PDE3B: variants seen among roughly 807,000 people sequenced by gnomAD.
PDE3B encodes the protein phosphodiesterase 3B.
Under a neutral mutation model 116.8 loss-of-function variants are expected in PDE3B, and 66 were observed. That is an observed-to-expected ratio of 0.56 (90% CI 0.46 to 0.69). The LOEUF (loss-of-function observed/expected upper bound fraction) is 0.69. Ranked by LOEUF, PDE3B falls within the 30% of genes least tolerant of loss-of-function variation. The probability of loss-of-function intolerance (pLI) is 0.00; values close to 1 mark genes in which losing one functional copy is unlikely to be tolerated. For missense variants in PDE3B, 1,384 were observed against 1,368.1 expected (o/e 1.01, Z -0.18); for synonymous variants, 595 against 533.6 (o/e 1.12, Z -1.59).
chr11:14,723,852 A>G (rs1856199883), intron 1 of PDE3B, among the ~76,000 whole-genome samples: 1 of 152,176 alleles, frequency 6.6e-6, no homozygotes, highest in Admixed American at 6.5e-5. Flanking sequence ...ACAAGGTTAT[A>G]GCACAGAAAA....
At chr11:14,795,131 T>C (rs1425187683) in intron 4 of PDE3B, among the ~76,000 whole-genome samples, 1 of 152,170 alleles carries the variant, frequency 6.6e-6, no homozygotes, top group Admixed American at 6.5e-5. Flanking sequence ...TAAGCTTTAG[T>C]CCCTCTCCTC....
intron 2 of PDE3B, among the ~76,000 whole-genome samples, chr11:14,779,716 G>A (rs533629975): frequency 1.2e-3 from 178 of 152,220 alleles, no homozygotes; most frequent in African/African-American, 4.0e-3. Flanking sequence ...GCAAAAACAT[G>A]CCAAATTGTA....
chr11:14,772,834 T>C (rs983837588), intron 2 of PDE3B: 3 of 152,038 alleles, frequency 2.0e-5, no homozygotes, highest in Non-Finnish European at 4.4e-5. Context: ...TTTCCCATTA[T>C]GCTAAATTTA....
the PDE3B span, among the ~76,000 whole-genome samples, chr11:14,882,098 A>G: frequency 3.9e-5 from 6 of 152,032 alleles, no homozygotes; most frequent in East Asian, 3.9e-4. Context: ...TCTTTTTTCT[A>G]TACTCCCAGA....
rs66919202 is a variant in PDE3B, at chr11:14,749,899, C to CATATATAT, written c.979-22031_979-22024dup. 7.2e-3 allele frequency among the ~76,000 whole-genome samples: 559 copies of CATATATAT among 77,628 alleles called. 69 individuals carry two copies. The highest frequency in any genetic ancestry group is 0.015 in the South Asian group (34 of 2,314). The allele number at this position is 77,628 out of a possible 152,430, so 50.9% of individuals were successfully genotyped here. A position where few individuals can be genotyped will look rare whatever the true frequency, so the allele number is the denominator to read the frequency against. On this transcript the variant is annotated intron_variant, in intron 1 of 15. Coordinates refer to ENST00000282096, the MANE Select transcript of PDE3B (RefSeq NM_000922.4). ...TTATAGATTTAAAATAAATATATCC[C>CATATATAT]ATATATATATATATGTATCTTTGTG...
the PDE3B span, chr11:14,892,277 C>T: frequency 2.1e-6 from 3 of 1,423,888 alleles, no homozygotes; most frequent in Non-Finnish European, 2.9e-6. Flanking sequence ...CTGCCATACT[C>T]CCATTGGCAG....
At chr11:14,663,545 C>T (rs1343756785) in intron 1 of PDE3B, among the ~76,000 whole-genome samples, 1 of 151,850 alleles carries the variant, frequency 6.6e-6, no homozygotes, top group African/African-American at 2.4e-5. Context: ...CAGAGACACA[C>T]ATAGGCTCAA....
At chr11:14,665,878 A>G (rs1040887429) in intron 1 of PDE3B, among the ~76,000 whole-genome samples, 13 of 152,190 alleles carry the variant, frequency 8.5e-5, no homozygotes, top group Admixed American at 5.9e-4. Flanking sequence ...TATAGATTCA[A>G]TGCCATCCCC....
intron 1 of PDE3B, among the ~76,000 whole-genome samples, chr11:14,670,627 C>G (rs1338833443): frequency 6.6e-6 from 1 of 151,952 alleles, no homozygotes; most frequent in Non-Finnish European, 1.5e-5. Flanking sequence ...AGGAAAACAT[C>G]AAGGGGATGT....
At chr11:14,737,721 C>A (rs1368026959) in intron 1 of PDE3B, among the ~76,000 whole-genome samples, 1 of 151,058 alleles carries the variant, frequency 6.6e-6, no homozygotes, top group African/African-American at 2.4e-5. Context: ...CACCCATTAA[C>A]TCCTCATTTA....
intron 1 of PDE3B, among the ~76,000 whole-genome samples, chr11:14,671,589 T>A (rs747519117): frequency 6.6e-6 from 1 of 152,128 alleles, no homozygotes; most frequent in Non-Finnish European, 1.5e-5. Context: ...TATTCTTGCT[T>A]GTTTATGGGC....
the PDE3B span, among the ~76,000 whole-genome samples, chr11:14,889,543 T>G: frequency 1.3e-5 from 2 of 152,210 alleles, no homozygotes; most frequent in Non-Finnish European, 2.9e-5. Context: ...CAGTTTTTCC[T>G]CTGCCCCATT....
chr11:14,709,534 C>T (rs1245482204), intron 1 of PDE3B, among the ~76,000 whole-genome samples: 1 of 152,112 alleles, frequency 6.6e-6, no homozygotes, highest in Non-Finnish European at 1.5e-5. Context: ...GGGACAGTAC[C>T]AACCTGAAAC....
At chr11:14,879,048 A>G in the PDE3B span, 1 of 1,267,446 alleles carries the variant, frequency 7.9e-7, no homozygotes, top group Non-Finnish European at 1.2e-6. Context: ...TCAGATTAAG[A>G]TGCTGTATCT....
At chr11:14,652,102 A>G (rs1273974249) in intron 1 of PDE3B, among the ~76,000 whole-genome samples, 2 of 152,118 alleles carry the variant, frequency 1.3e-5, no homozygotes, top group Non-Finnish European at 2.9e-5. Flanking sequence ...TAGTTCTAAT[A>G]TTTAGGTCTT....
chr11:14,795,997 A>G (rs1011560361), intron 4 of PDE3B, among the ~76,000 whole-genome samples: 2 of 151,958 alleles, frequency 1.3e-5, no homozygotes, highest in African/African-American at 2.4e-5. Context: ...CCTACATTAG[A>G]TATTTCTCCT....
chr11:14,838,911 T>C (rs1401368659), intron 11 of PDE3B, among the ~76,000 whole-genome samples: 2 of 152,204 alleles, frequency 1.3e-5, no homozygotes, highest in Non-Finnish European at 1.5e-5. Context: ...TTGTTGAAAC[T>C]CCTTGTATAC....
At chr11:14,684,538 A>G (rs188812809) in intron 1 of PDE3B, among the ~76,000 whole-genome samples, 2 of 152,324 alleles carry the variant, frequency 1.3e-5, no homozygotes, top group African/African-American at 4.8e-5. Flanking sequence ...CTTGATAAAC[A>G]TCTTAAACAA....
the PDE3B span, chr11:14,892,069 AGCCCCGGCG>A: frequency 1.2e-6 from 2 of 1,611,948 alleles, no homozygotes; most frequent in South Asian, 1.1e-5. Flanking sequence ...GATAAATGGC[AGCCCCGGCG>A]GCCCCGGGGG....
Sources: gnomAD v4.1 joint callset for allele counts (sites outside exome capture counted in the v4.1 genomes callset) on GRCh38, gnomAD v4.1.1 for gene constraint, MANE v1.5 for transcripts, NCBI Gene and HGNC (gene_info 2026-07-23, HGNC 2026-07-21) for gene names.